Variants in PCDH11X observed in about 807,000 individuals in gnomAD.
The protein encoded by PCDH11X is protocadherin-11 X-linked.
PCDH11X carries 18 observed loss-of-function variants against 53.3 expected under a neutral mutation model. The ratio of observed to expected loss-of-function variants is 0.34; its 90% CI spans 0.23 to 0.50. The LOEUF is 0.50. Among genes scored for constraint, PCDH11X ranks in the 20% least tolerant of loss-of-function variants. The probability of loss-of-function intolerance (pLI) is 0.98; values close to 1 mark genes in which losing one functional copy is unlikely to be tolerated. For synonymous variants in PCDH11X, 279 were observed against 393.3 expected (o/e 0.71, Z 3.44); for missense variants, 570 against 1,032.4 (o/e 0.55, Z 6.14).
At chrX:92,338,337 G>T (rs771983512) in intron 8 of PCDH11X, among the ~76,000 whole-genome samples, 1 of 111,725 alleles carries the variant, frequency 9.0e-6, no homozygotes, top group African/African-American at 3.2e-5. Context: ...TCCATGTTGG[G>T]ATAGCAGAGT....
chrX:92,249,427 G>A (rs1411538309), intron 7 of PCDH11X, among the ~76,000 whole-genome samples: 4 of 111,775 alleles, frequency 3.6e-5, no homozygotes, highest in African/African-American at 1.3e-4. Context: ...AGCAAATAAA[G>A]GTATCTTTAT....
At chrX:91,869,775 T>A (rs754669535) in intron 5 of PCDH11X, among the ~76,000 whole-genome samples, 3 of 111,496 alleles carry the variant, frequency 2.7e-5, no homozygotes, top group African/African-American at 9.7e-5. Flanking sequence ...TTTTAAACAT[T>A]TGCATAATAT....
In PCDH11X at chrX:91,779,514, G is replaced by A. The variant is rs914704105; in HGVS notation, c.-549G>A. On this transcript the variant is annotated 5_prime_UTR_variant, in exon 1 of 11. Transcript: ENST00000682573. ...GCGACACAGGCAGCACAGGCAGCCC[G>A]GGCTGCCTGAATAGCCTCAGAAACA... The A allele has an allele frequency of 1.1e-5, 1 of 93,471 alleles. No individual in the cohort carries two copies. The highest frequency in any genetic ancestry group is 3.9e-5 in the African/African-American group (1 of 25,442). The allele number at this position is 93,471 out of a possible 1,213,427, so 7.7% of individuals were successfully genotyped here.
At position 92,185,386 on chromosome X, in the gene PCDH11X, G is replaced by A. The variant is rs771925559; in HGVS notation, c.3034-15989G>A. Among the ~76,000 whole-genome samples the A allele has an allele frequency of 3.6e-5, 4 of 111,231 alleles. No homozygotes were observed. In the South Asian group the frequency reaches 1.1e-3, roughly 31 times the overall value. On this transcript the variant is annotated intron_variant, in intron 6 of 10. Coordinates refer to ENST00000682573, the MANE Select transcript of PCDH11X (RefSeq NM_032968.5). The stretch of plus-strand genomic sequence containing the variant: ...AAAATGAATTCAATACTTAAATGTC[G>A]GACCCAAAACTATAAAACAATTATA...
chrX:92,337,618 A>G (rs2148511540), intron 8 of PCDH11X, among the ~76,000 whole-genome samples: 1 of 110,177 alleles, frequency 9.1e-6, no homozygotes, highest in African/African-American at 3.3e-5. Flanking sequence ...ACATGAACAA[A>G]CTGTGTAATA....
chrX:91,827,085 G>T (rs1340298972), intron 4 of PCDH11X, among the ~76,000 whole-genome samples: 2 of 111,422 alleles, frequency 1.8e-5, no homozygotes, highest in Non-Finnish European at 3.8e-5. Flanking sequence ...CACCAACATT[G>T]TAAAAGTATT....
intron 10 of PCDH11X, among the ~76,000 whole-genome samples, chrX:92,496,827 C>A (rs1361249419): frequency 5.6e-5 from 6 of 107,942 alleles, no homozygotes; most frequent in African/African-American, 2.1e-4. Flanking sequence ...TTTGCAGTAC[C>A]CTCACCTAGA....
chrX:92,060,560 T>G (rs2063509779), intron 6 of PCDH11X, among the ~76,000 whole-genome samples: 1 of 110,035 alleles, frequency 9.1e-6, no homozygotes, highest in Non-Finnish European at 1.9e-5. Flanking sequence ...ATGATTAGCT[T>G]CTACTTATAA....
chrX:92,108,373 C>A (rs765466757), intron 6 of PCDH11X, among the ~76,000 whole-genome samples: 7 of 111,968 alleles, frequency 6.3e-5, no homozygotes, highest in Non-Finnish European at 9.4e-5. Flanking sequence ...CACTGTACTT[C>A]AAATCAGCGT....
intron 6 of PCDH11X, among the ~76,000 whole-genome samples, chrX:92,126,645 A>G (rs76275593): frequency 1.0e-3 from 110 of 109,379 alleles, no homozygotes; most frequent in African/African-American, 3.6e-3. Context: ...AAATTAAAAT[A>G]AATTTTAAAA....
At chrX:92,083,131 A>T (rs187528610) in intron 6 of PCDH11X, among the ~76,000 whole-genome samples, 5 of 111,879 alleles carry the variant, frequency 4.5e-5, no homozygotes, top group Non-Finnish European at 7.5e-5. Context: ...TAAGATTAGA[A>T]ATGAGTATCT....
chrX:92,184,678 A>T (rs752169623), intron 6 of PCDH11X, among the ~76,000 whole-genome samples: 15 of 111,455 alleles, frequency 1.3e-4, no homozygotes, highest in Non-Finnish European at 2.4e-4. Context: ...AAATAAATCC[A>T]TATATATACA....
chrX:92,493,672 A>G, intron 10 of PCDH11X, among the ~76,000 whole-genome samples: 1 of 97,145 alleles, frequency 1.0e-5, no homozygotes, highest in Admixed American at 1.2e-4. Context: ...TTTGAGACAG[A>G]GTCTCACTCT....
chrX:91,895,236 ACT>A (rs1245349550), intron 6 of PCDH11X, among the ~76,000 whole-genome samples: 2 of 111,617 alleles, frequency 1.8e-5, no homozygotes, highest in African/African-American at 6.5e-5. Context: ...GTCTATATAC[ACT>A]GTGTGGAGAG....
rs2525321 is a variant in PCDH11X at position 92,026,048 on chromosome X, G to A, written c.3033+146775G>A. Among the ~76,000 whole-genome samples the A allele has an allele frequency of 5.4e-5, 6 of 110,722 alleles. No individual in the cohort carries two copies. The South Asian group carries it at 2.4e-3, about 44-fold the overall frequency. On this transcript the variant is annotated intron_variant, in intron 6 of 10. Coordinates refer to ENST00000682573, the MANE Select transcript of PCDH11X (RefSeq NM_032968.5). ...ACAAGAGACACTGGGGCCTACTGGAGGGTGGAGGGTGGGAGGAGGGAGAGG... is the reference window on the plus strand; with the variant it reads ...ACAAGAGACACTGGGGCCTACTGGAAGGTGGAGGGTGGGAGGAGGGAGAGG...
intron 6 of PCDH11X, among the ~76,000 whole-genome samples, chrX:92,147,841 TTC>T (rs1385460382): frequency 1.0e-5 from 1 of 99,588 alleles, no homozygotes; most frequent in Non-Finnish European, 2.0e-5. Flanking sequence ...CTTTCTTTCT[TTC>T]TTTCTTTCTT....
intron 6 of PCDH11X, among the ~76,000 whole-genome samples, chrX:91,985,214 T>G (rs548308132): frequency 8.9e-6 from 1 of 112,277 alleles, no homozygotes; most frequent in African/African-American, 3.2e-5. Context: ...TGCTTAAAGT[T>G]TAATTTGTCC....
At chrX:92,160,593 A>G (rs1220075127) in intron 6 of PCDH11X, among the ~76,000 whole-genome samples, 3 of 105,558 alleles carry the variant, frequency 2.8e-5, no homozygotes, top group African/African-American at 1.0e-4. Flanking sequence ...TATTTTTGCA[A>G]TTGTAAATTT....
At chrX:92,435,999 C>T (rs1033448616) in intron 9 of PCDH11X, among the ~76,000 whole-genome samples, 5 of 109,830 alleles carry the variant, frequency 4.6e-5, no homozygotes, top group Non-Finnish European at 1.9e-5. Flanking sequence ...GTGACAAGCT[C>T]CTGCATAGCA....
Sources: gnomAD v4.1 joint callset for allele counts (sites outside exome capture counted in the v4.1 genomes callset) on GRCh38, gnomAD v4.1.1 for gene constraint, MANE v1.5 for transcripts, NCBI Gene and HGNC (gene_info 2026-07-23, HGNC 2026-07-21) for gene names.